RACGAP1: variants seen among roughly 807,000 people sequenced by gnomAD.
The protein encoded by RACGAP1 is rac GTPase-activating protein 1.
A neutral mutation model predicts 78.1 loss-of-function variants in RACGAP1; 30 were observed. That is an observed-to-expected ratio of 0.38 (90% CI 0.29 to 0.52). The LOEUF is 0.52. RACGAP1 is among the 20% of genes least tolerant of loss of function. The pLI, the probability that RACGAP1 is intolerant of heterozygous loss-of-function variation, is 0.82. For missense variants in RACGAP1, 587 were observed against 777.1 expected (o/e 0.76, Z 2.91); for synonymous variants, 231 against 264.8 (o/e 0.87, Z 1.24).
At chr12:49,994,532 AATT>A (rs776222511) in intron 10 of RACGAP1, 23 bp from the exon 11 acceptor site, 1 of 1,606,162 alleles carries the variant, frequency 6.2e-7, no homozygotes, top group South Asian at 1.1e-5. Context: ...AAGAGCTTTA[AATT>A]ATTATTTACG....
At chr12:49,999,489 C>A in intron 8 of RACGAP1, 127 bp downstream of exon 8, 1 of 962,024 alleles carries the variant, frequency 1.0e-6, no homozygotes, top group Admixed American at 2.2e-5. Flanking sequence ...CTCTGGTCCT[C>A]GGTATGCAGC....
chr12:50,002,168 T>A, intron 6 of RACGAP1, 79 bp downstream of exon 6: 1 of 1,095,228 alleles, frequency 9.1e-7, no homozygotes, highest in East Asian at 2.5e-5. Flanking sequence ...ATGACAGGAA[T>A]GCAGTATCAT....
At chr12:50,025,641 T>C (rs1950248666), upstream of RACGAP1, 5 of 752,298 alleles carry the variant, frequency 6.6e-6, no homozygotes, top group South Asian at 2.4e-4. Context: ...CCATTTTGAC[T>C]AATGTCAACG....
chr12:49,990,141 A>G lies in RACGAP1; in HGVS notation c.*127T>C, dbSNP rs774059467. On this transcript the variant is annotated 3_prime_UTR_variant, in exon 17 of 17. Coordinates refer to ENST00000312377, the MANE Select transcript of RACGAP1 (RefSeq NM_001319999.2). ...AGTTTTAATAAAACCCTCATGCACA[A>G]TTAAACTTGAGTAAAAGCCTGGAGA... 1.2e-5 allele frequency: 9 copies of G among 746,540 alleles called. No individual in the cohort carries two copies. The highest frequency in any genetic ancestry group is 2.3e-5 in the Admixed American group (1 of 42,906). 46.2% of individuals were successfully genotyped at this position (746,540 alleles called of 1,614,324 possible). A position where few individuals can be genotyped will look rare whatever the true frequency, so the allele number is the denominator to read the frequency against.
At chr12:49,990,406 T>C in intron 16 of RACGAP1, 63 bp from the exon 17 acceptor site, 1 of 1,383,826 alleles carries the variant, frequency 7.2e-7, no homozygotes, top group Non-Finnish European at 1.0e-6. Flanking sequence ...TAAACAACTA[T>C]AATATTACTT....
rs767427758 is a variant in RACGAP1 at position 50,005,283 on chromosome 12, G to T, written c.398C>A (p.Pro133Gln). The change falls in exon 4 of 17, where the codon CCA (proline) becomes CAA (glutamine). Residue 133 changes from proline to glutamine, a missense_variant. Physicochemically the swap from Pro to Gln is moderately conservative, Grantham distance 76 (BLOSUM62 -1). Transcript: ENST00000312377. ...TTTGTTCCCAGCATTGCTGCTGGATGGTTGGCCTCTGTTGAGAAAAGCCAG... is the reference window on the plus strand; with the variant it reads ...TTTGTTCCCAGCATTGCTGCTGGATTGTTGGCCTCTGTTGAGAAAAGCCAG... Reference protein sequence around the residue: ...SALAFLNRGQPSSSNAGNKRL... With the variant: ...SALAFLNRGQQSSSNAGNKRL... 4 of 1,614,224 alleles carry T rather than the reference G, an allele frequency of 2.5e-6. No homozygotes were observed. Among genetic ancestry groups the T allele is most frequent in the Middle Eastern group, 1.7e-4 (1 of 6,058 alleles).
chr12:50,008,943 A>G (rs1382330013), intron 2 of RACGAP1, among the ~76,000 whole-genome samples: 1 of 152,210 alleles, frequency 6.6e-6, no homozygotes, highest in Admixed American at 6.5e-5. Context: ...ATCACAATTC[A>G]GCTTGGTACC....
At chr12:50,000,017 G>GGTTTTTTTTTTTT in intron 7 of RACGAP1, among the ~76,000 whole-genome samples, 1 of 3,786 alleles carries the variant, frequency 2.6e-4, no homozygotes, top group East Asian at 6.0e-3. Context: ...ACACCTGACT[G>GGTTTTTTTTTTTT]ATTTTTTTTT....
intron 3 of RACGAP1, among the ~76,000 whole-genome samples, chr12:50,005,945 C>A (rs1948950753): frequency 6.6e-6 from 1 of 152,202 alleles, no homozygotes; most frequent in African/African-American, 2.4e-5. Flanking sequence ...TGTTCTGTGT[C>A]AGTCACATTG....
chr12:49,994,450 A>G lies in RACGAP1; in HGVS notation c.1104T>C (p.His368=), dbSNP rs1225983580. 3 of 1,614,012 alleles carry G rather than the reference A, an allele frequency of 1.9e-6. No homozygotes were observed. The highest frequency in any genetic ancestry group is 1.6e-4 in the Middle Eastern group (1 of 6,084). ...TSPMIPSIVV[H]CVNEIEQRGL... ...CTCTTTGCTCAATCTCATTTACACA[A>G]TGCACAACAATGGAGGGGATCATTG... The change falls in exon 11 of 17, where the codon CAT becomes CAC. Residue 368 remains histidine (H), a synonymous_variant. Coordinates refer to ENST00000312377, the MANE Select transcript of RACGAP1 (RefSeq NM_001319999.2).
chr12:50,005,026 AT>A (rs1453680830), intron 4 of RACGAP1, among the ~76,000 whole-genome samples: 22 of 152,374 alleles, frequency 1.4e-4, no homozygotes, highest in Admixed American at 4.6e-4. Context: ...CAACATCAAA[AT>A]TGTATCCATG....
chr12:50,029,596 TA>T (rs890213566), upstream of RACGAP1, among the ~76,000 whole-genome samples: 11 of 149,802 alleles, frequency 7.3e-5, no homozygotes, highest in South Asian at 2.1e-4. Context: ...TTAATTTAAT[TA>T]AAAAAAAATT....
In RACGAP1 at chr12:50,025,446, C is replaced by T. The variant is rs1320305907; in HGVS notation, c.-53G>A. ...GGCCACCCTTCACTTCGCTCCGCGC[C>T]TCACCCAACGGCAGAGCAGCGCCGC... On this transcript the variant is annotated 5_prime_UTR_variant, in exon 1 of 17. Transcript: ENST00000312377. 1.0e-6 allele frequency: 1 copy of T among 985,586 alleles called. No individual in the cohort carries two copies. The highest frequency in any genetic ancestry group is 1.1e-4 in the East Asian group (1 of 8,838). 61.1% of individuals were successfully genotyped at this position (985,586 alleles called of 1,614,324 possible). A position where few individuals can be genotyped will look rare whatever the true frequency, so the allele number is the denominator to read the frequency against.
intron 9 of RACGAP1, among the ~76,000 whole-genome samples, chr12:49,998,099 AAGAGC>A (rs1948426922): frequency 6.6e-6 from 1 of 152,170 alleles, no homozygotes; most frequent in East Asian, 1.9e-4. Context: ...CTTGTTTACA[AAGAGC>A]AGAAAACTTG....
intron 16 of RACGAP1, among the ~76,000 whole-genome samples, 156 bp downstream of exon 16, chr12:49,990,528 T>C (rs554786613): frequency 6.6e-6 from 1 of 152,326 alleles, no homozygotes; most frequent in African/African-American, 2.4e-5. Context: ...TTTCAGAACC[T>C]TTTTAAAGAA....
upstream of RACGAP1, among the ~76,000 whole-genome samples, chr12:50,028,687 G>A (rs939215596): frequency 2.0e-5 from 3 of 151,992 alleles, no homozygotes; most frequent in African/African-American, 7.3e-5. Flanking sequence ...CAGGAGAATT[G>A]GTCGAACCTG....
intron 1 of RACGAP1, among the ~76,000 whole-genome samples, chr12:50,032,349 A>G (rs1816088807): frequency 6.6e-6 from 1 of 152,168 alleles, no homozygotes; most frequent in South Asian, 2.1e-4. Flanking sequence ...TTGCAGCTCC[A>G]ATAAATAGCT....
chr12:50,021,555 C>A (rs1054062749), intron 1 of RACGAP1, among the ~76,000 whole-genome samples: 2 of 152,214 alleles, frequency 1.3e-5, no homozygotes, highest in African/African-American at 4.8e-5. Context: ...CAGACTATTA[C>A]AGATCTTACT....
At chr12:50,016,483 A>G (rs1949687021) in intron 2 of RACGAP1, 148 bp downstream of exon 2, 1 of 774,438 alleles carries the variant, frequency 1.3e-6, no homozygotes, top group Non-Finnish European at 2.2e-6. Flanking sequence ...AGTGCCCATT[A>G]GGCTTTGACC....
Sources: allele counts gnomAD v4.1 joint callset (sites outside exome capture counted in the v4.1 genomes callset), GRCh38; gene constraint gnomAD v4.1.1; transcripts MANE v1.5; gene names NCBI Gene and HGNC (gene_info 2026-07-23, HGNC 2026-07-21).